The following DIS3L2 variants were observed in gnomAD, a reference collection of about 807,000 sequenced individuals.
The protein encoded by DIS3L2 is DIS3-like exonuclease 2.
DIS3L2 carries 34 observed loss-of-function variants against 97.5 expected under a neutral mutation model. The ratio of observed to expected loss-of-function variants is 0.35; its 90% confidence interval spans 0.27 to 0.46. The LOEUF is 0.46. Ranked by LOEUF, DIS3L2 falls within the 20% of genes least tolerant of loss-of-function variation. The pLI is 1.00. For synonymous variants in DIS3L2, 435 were observed against 445.2 expected (o/e 0.98, Z 0.29); for missense variants, 1,038 against 1,146.0 (o/e 0.91, Z 1.36).
Position 231,979,091 on chromosome 2 carries a change from C to T in DIS3L2, c.-94+17326C>T, listed in dbSNP as rs559865524. Among the ~76,000 whole-genome samples the T allele has an allele frequency of 1.5e-3, 223 of 152,160 alleles. 2 individuals are homozygous for T. Among genetic ancestry groups the T allele is most frequent in the African/African-American group, 5.1e-3 (210 of 41,538 alleles). ...AGTTTTTGATTTTTAAAATTTGAGA[C>T]TTCATCATTATGACATCTGTATTTT... On this transcript the variant is annotated intron_variant, in intron 1 of 20. Transcript: ENST00000325385.
At position 232,197,371 on chromosome 2, in the gene DIS3L2, A is replaced by G. The variant is rs183124460; in HGVS notation, c.1125-12955A>G. Among the ~76,000 whole-genome samples the G allele has an allele frequency of 1.2e-3, 177 of 152,358 alleles. 1 individual carries two copies. The highest frequency in any genetic ancestry group is 2.1e-4 in the South Asian group (1 of 4,828). On this transcript the variant is annotated intron_variant, in intron 9 of 20. Transcript: ENST00000325385. The stretch of plus-strand genomic sequence containing the variant: ...AAGCGTAGTATATTTAAGTGAAAAT[A>G]TATTCACATATATTCTTTCTTTCAC...
At chr2:231,984,166 A>G (rs967085011) in intron 1 of DIS3L2, among the ~76,000 whole-genome samples, 4 of 152,000 alleles carry the variant, frequency 2.6e-5, no homozygotes, top group African/African-American at 9.7e-5. Flanking sequence ...TTAAATAACA[A>G]ATAGCAGGCT....
chr2:232,036,304 T>A (rs1694947129), intron 5 of DIS3L2, among the ~76,000 whole-genome samples: 1 of 152,246 alleles, frequency 6.6e-6, no homozygotes, highest in South Asian at 2.1e-4. Flanking sequence ...TTCTACTCGA[T>A]CAATTCATCT....
intron 3 of DIS3L2, among the ~76,000 whole-genome samples, chr2:232,018,539 G>C (rs1455316056): frequency 5.9e-5 from 9 of 152,126 alleles, no homozygotes; most frequent in Admixed American, 5.9e-4. Context: ...GCGGGGTAAG[G>C]TAAAAGGCCA....
intron 12 of DIS3L2, among the ~76,000 whole-genome samples, chr2:232,251,828 A>G (rs1693426068): frequency 6.6e-6 from 1 of 152,252 alleles, no homozygotes; most frequent in South Asian, 2.1e-4. Context: ...CAACGAAGCT[A>G]TCAATAAAAA....
At chr2:232,234,065 T>A (rs1377649221) in intron 10 of DIS3L2, among the ~76,000 whole-genome samples, 1 of 152,072 alleles carries the variant, frequency 6.6e-6, no homozygotes, top group Non-Finnish European at 1.5e-5. Flanking sequence ...CCCACTGAGA[T>A]GAAAAATTGG....
intron 14 of DIS3L2, among the ~76,000 whole-genome samples, chr2:232,327,342 C>A (rs1203145171): frequency 6.6e-6 from 1 of 152,206 alleles, no homozygotes; most frequent in Non-Finnish European, 1.5e-5. Flanking sequence ...TGTCCCTCTT[C>A]CGGCAAGCCT....
chr2:232,301,530 G>C (rs531847648), intron 14 of DIS3L2, among the ~76,000 whole-genome samples: 1 of 152,280 alleles, frequency 6.6e-6, no homozygotes, highest in Non-Finnish European at 1.5e-5. Context: ...AGGCTACCGG[G>C]TGCCCTCGTT....
chr2:232,078,663 C>T (rs143083546), intron 5 of DIS3L2, among the ~76,000 whole-genome samples: 224 of 152,270 alleles, frequency 1.5e-3, no homozygotes, highest in Middle Eastern at 6.8e-3. Context: ...ATTTATTCAT[C>T]AAACATTGAG....
At chr2:232,265,998 T>C (rs1041919135) in intron 13 of DIS3L2, among the ~76,000 whole-genome samples, 2 of 152,264 alleles carry the variant, frequency 1.3e-5, no homozygotes, top group African/African-American at 4.8e-5. Flanking sequence ...TTTGATTCTC[T>C]TCTTTTTCTA....
At chr2:231,972,824 G>A (rs1195513108) in intron 1 of DIS3L2, among the ~76,000 whole-genome samples, 1 of 152,174 alleles carries the variant, frequency 6.6e-6, no homozygotes, top group Non-Finnish European at 1.5e-5. Context: ...GATTACAGGT[G>A]TGCACCACCA....
chr2:232,342,096 C>CTGTGTGTGTGTGTG (rs59097449), downstream of DIS3L2, among the ~76,000 whole-genome samples: 1 of 149,642 alleles, frequency 6.7e-6, no homozygotes. Context: ...CATCAGTAGG[C>CTGTGTGTGTGTGTG]TGTGTGTGTG....
chr2:232,285,077 TTCTTATATTGA>T (rs1340539927), intron 13 of DIS3L2, among the ~76,000 whole-genome samples: 2 of 152,192 alleles, frequency 1.3e-5, no homozygotes, highest in African/African-American at 4.8e-5. Flanking sequence ...ATAATGCTAG[TTCTTATATTGA>T]TCTTAATTTT....
chr2:232,007,738 T>C (rs1209225544), intron 1 of DIS3L2, among the ~76,000 whole-genome samples: 10 of 152,198 alleles, frequency 6.6e-5, no homozygotes, highest in African/African-American at 2.4e-4. Flanking sequence ...ATTAATAAAA[T>C]TGATTCAAGA....
chr2:232,193,369 ACTTT>A (rs985855227), intron 9 of DIS3L2, among the ~76,000 whole-genome samples: 28 of 152,306 alleles, frequency 1.8e-4, no homozygotes, highest in Admixed American at 1.1e-3. Context: ...TGTGAGCCCT[ACTTT>A]CTTTAATAAA....
rs1695878453 is a variant in DIS3L2, at chr2:232,334,524, T to G, written c.2289+25T>G. ...GGTGAGCCCTCCAGCCTGGTGCCCCTCACCTCCCTCTGGCTCCCGACCCTC... is the reference window on the plus strand; with the variant it reads ...GGTGAGCCCTCCAGCCTGGTGCCCCGCACCTCCCTCTGGCTCCCGACCCTC... On this transcript the variant is annotated intron_variant, in intron 18 of 20. Transcript: ENST00000325385. 2.5e-6 allele frequency: 4 copies of G among 1,612,592 alleles called. No individual in the cohort carries two copies. In the Admixed American group the frequency reaches 5.0e-5, roughly 20 times the overall value.
At chr2:232,106,017 A>T (rs1438530303) in intron 6 of DIS3L2, among the ~76,000 whole-genome samples, 2 of 152,102 alleles carry the variant, frequency 1.3e-5, no homozygotes, top group Non-Finnish European at 2.9e-5. Context: ...AGGGTCTCTG[A>T]GTAATGGTAT....
At position 232,337,178 on chromosome 2, in the gene DIS3L2, G is replaced by A; in HGVS notation, c.*548G>A. Reference sequence around the variant, plus strand: ...AGTCTCATTCTGCCTGATTAAAAATGGAATTAGTATGCAACACTGAGAGCG... The same window carrying A: ...AGTCTCATTCTGCCTGATTAAAAATAGAATTAGTATGCAACACTGAGAGCG... On this transcript the variant is annotated 3_prime_UTR_variant, in exon 21 of 21. Coordinates refer to ENST00000325385, the MANE Select transcript of DIS3L2 (RefSeq NM_152383.5). 1.0e-6 allele frequency: 1 copy of A among 996,140 alleles called. No homozygotes were observed. The highest frequency in any genetic ancestry group is 1.2e-6 in the Non-Finnish European group (1 of 838,090). The allele number at this position is 996,140 out of a possible 1,614,324, so 61.7% of individuals were successfully genotyped here.
chr2:231,988,041 C>A (rs1185892635), intron 1 of DIS3L2, among the ~76,000 whole-genome samples: 2 of 152,078 alleles, frequency 1.3e-5, no homozygotes, highest in African/African-American at 4.8e-5. Context: ...CAGGGTTTGT[C>A]CATTTTGGCC....
Sources: gnomAD v4.1 joint callset for allele counts (sites outside exome capture counted in the v4.1 genomes callset) on GRCh38, gnomAD v4.1.1 for gene constraint, MANE v1.5 for transcripts, NCBI Gene and HGNC (gene_info 2026-07-23, HGNC 2026-07-21) for gene names.